The following GALM variants were observed in gnomAD, a reference collection of about 807,000 sequenced individuals.
GALM encodes the protein galactose mutarotase, also known as aldose 1-epimerase.
In GALM, 43 loss-of-function variants were observed where a neutral mutation model predicts 37.4. That is an observed-to-expected ratio of 1.15 (90% CI 0.90 to 1.48). The LOEUF (loss-of-function observed/expected upper bound fraction) is 1.48. Among genes scored for constraint, GALM ranks in the 40% most tolerant of loss-of-function variants. The pLI, the probability that GALM is intolerant of heterozygous loss-of-function variation, is 0.00. For synonymous variants in GALM, 199 were observed against 170.6 expected, an observed-to-expected ratio of 1.17 and a Z score of -1.30; for missense variants, 456 against 419.1, an observed-to-expected ratio of 1.09 and a Z score of -0.77.
At chr2:38,732,560 C>G (rs1230721458) in intron 6 of GALM, among the ~76,000 whole-genome samples, 2 of 152,194 alleles carry the variant, frequency 1.3e-5, no homozygotes, top group African/African-American at 4.8e-5. Flanking sequence ...TATGTGCTCC[C>G]TCATAACTTT....
At chr2:38,672,278 ACAGT>A (rs1215475111) in intron 1 of GALM, among the ~76,000 whole-genome samples, 1 of 152,210 alleles carries the variant, frequency 6.6e-6, no homozygotes, top group Non-Finnish European at 1.5e-5. Flanking sequence ...AAAAATCTCT[ACAGT>A]CAAACATCTT....
chr2:38,729,890 C>T (rs77443996), intron 5 of GALM, among the ~76,000 whole-genome samples, 193 bp downstream of exon 5: 1,598 of 152,236 alleles, frequency 0.01, 34 homozygotes, highest in African/African-American at 0.037. Context: ...CCCCCACCTG[C>T]CATTACCCCT....
In GALM at chr2:38,666,175, C is replaced by T. The variant is rs1371025845; in HGVS notation, c.14C>T (p.Thr5Ile). The change falls in exon 1 of 7, where the codon ACC (threonine) becomes ATC (isoleucine). Residue 5 changes from threonine to isoleucine, a missense_variant. Coordinates refer to ENST00000272252, the MANE Select transcript of GALM (RefSeq NM_138801.3). Reference sequence around the variant, plus strand: ...CAAACTTTCCCTATGGCTTCGGTGACCAGGGCCGTGTTTGGAGAGCTGCCC... The same window carrying T: ...CAAACTTTCCCTATGGCTTCGGTGATCAGGGCCGTGTTTGGAGAGCTGCCC... Reference protein sequence around the residue: MASVTRAVFGELPSG... With the variant: MASVIRAVFGELPSG... The T allele has an allele frequency of 6.2e-7, 1 of 1,612,434 alleles. No individual in the cohort carries two copies. Among genetic ancestry groups the T allele is most frequent in the Admixed American group, 1.7e-5 (1 of 59,776 alleles).
intron 5 of GALM, 31 bp downstream of exon 5, chr2:38,729,728 A>G: frequency 6.3e-7 from 1 of 1,588,068 alleles, no homozygotes; most frequent in Non-Finnish European, 8.6e-7. Flanking sequence ...TGAGTCTGTA[A>G]GGAAGAAATG....
intron 1 of GALM, among the ~76,000 whole-genome samples, chr2:38,675,543 TTGTGTGTGTGTGTGTGTGTGTGTGTGTG>T (rs1160196072): frequency 5.9e-5 from 2 of 33,636 alleles, no homozygotes; most frequent in Non-Finnish European, 1.2e-4. Context: ...TTTTTTTTTT[TTGTGTGTGTGTGTGTGTGTGTGTGTGTG>T]TGTGTGTGTG....
intron 4 of GALM, among the ~76,000 whole-genome samples, chr2:38,720,822 T>C (rs1210595924): frequency 6.6e-6 from 1 of 152,310 alleles, no homozygotes. Context: ...TTGAGCTTCC[T>C]TACAGTATGG....
intron 4 of GALM, among the ~76,000 whole-genome samples, chr2:38,710,874 C>T (rs1221262423): frequency 1.3e-5 from 2 of 151,574 alleles, no homozygotes; most frequent in African/African-American, 2.4e-5. Flanking sequence ...CTGCCTCAGC[C>T]TCCCGAGTAG....
intron 5 of GALM, among the ~76,000 whole-genome samples, chr2:38,731,473 C>A (rs1399424088): frequency 6.6e-6 from 1 of 151,666 alleles, no homozygotes; most frequent in Non-Finnish European, 1.5e-5. Flanking sequence ...CTGCCTTCCT[C>A]CCTACTCCCC....
At position 38,680,162 on chromosome 2, in the gene GALM, G is replaced by C. The variant is rs530989391; in HGVS notation, c.346-1118G>C. The C allele has an allele frequency of 7.5e-6, 3 of 400,626 alleles. No individual in the cohort carries two copies. In the East Asian group the frequency reaches 2.5e-4, roughly 33 times the overall value. The allele number at this position is 400,626 out of a possible 1,614,324, so 24.8% of individuals were successfully genotyped here. On this transcript the variant is annotated intron_variant, in intron 2 of 6. Transcript: ENST00000272252. ...GCCTCCCGAGTAGCTAGGACTACAG[G>C]TATGCACCACCATACCTCGCTAATT...
chr2:38,714,219 G>A (rs997937684), intron 4 of GALM, among the ~76,000 whole-genome samples: 3 of 151,642 alleles, frequency 2.0e-5, no homozygotes, highest in South Asian at 2.1e-4. Context: ...TTTGCGGGGG[G>A]GTTGTTGTTT....
At chr2:38,700,429 A>G (rs1349341088) in intron 4 of GALM, among the ~76,000 whole-genome samples, 1 of 152,130 alleles carries the variant, frequency 6.6e-6, no homozygotes, top group Non-Finnish European at 1.5e-5. Context: ...GGGTGCATAT[A>G]TATTTAGAAT....
chr2:38,677,718 A>T (rs895128840), intron 2 of GALM, among the ~76,000 whole-genome samples: 15 of 152,308 alleles, frequency 9.8e-5, no homozygotes, highest in Admixed American at 2.0e-4. Flanking sequence ...CCTAGCCTTC[A>T]GTGCAGTGTG....
At chr2:38,712,561 C>G (rs191395024) in intron 4 of GALM, among the ~76,000 whole-genome samples, 256 of 152,298 alleles carry the variant, frequency 1.7e-3, no homozygotes, top group African/African-American at 5.9e-3. Context: ...AAAGCAGGGT[C>G]TGCAGAACAC....
chr2:38,685,884 T>C (rs1045564252), intron 3 of GALM, among the ~76,000 whole-genome samples: 6 of 151,868 alleles, frequency 4.0e-5, no homozygotes, highest in African/African-American at 1.5e-4. Flanking sequence ...GCTAATTTTT[T>C]GTATTTTTAG....
intron 4 of GALM, among the ~76,000 whole-genome samples, chr2:38,700,654 G>A (rs1665899327): frequency 6.6e-6 from 1 of 152,012 alleles, no homozygotes; most frequent in South Asian, 2.1e-4. Context: ...AACCGTAGTT[G>A]GGCCATGTTT....
At chr2:38,669,897 T>C (rs1665045368) in intron 1 of GALM, among the ~76,000 whole-genome samples, 2 of 86,394 alleles carry the variant, frequency 2.3e-5, no homozygotes, top group African/African-American at 2.0e-4. Flanking sequence ...AAGTTTTTCT[T>C]TTTTTTTTTT....
rs70954748 is a variant in GALM at position 38,728,686 on chromosome 2, A to AAAAAC, written c.635-845_635-841dup. ...GGTGACAGAGCAAGACTCCATCTCA[A>AAAAAC]AAAACAAAACAAAACAAAACAAAAC... On this transcript the variant is annotated intron_variant, in intron 4 of 6. Transcript: ENST00000272252. Among the ~76,000 whole-genome samples the AAAAAC allele has an allele frequency of 2.1e-3, 320 of 150,722 alleles. 2 individuals are homozygous for AAAAAC. Among genetic ancestry groups the AAAAAC allele is most frequent in the Non-Finnish European group, 3.6e-3 (241 of 67,558 alleles).
chr2:38,721,074 T>C (rs1304690183), intron 4 of GALM, among the ~76,000 whole-genome samples: 2 of 152,208 alleles, frequency 1.3e-5, no homozygotes, highest in Non-Finnish European at 2.9e-5. Context: ...GTGGCCATCT[T>C]TGAAGAATGC....
intron 2 of GALM, among the ~76,000 whole-genome samples, chr2:38,678,294 T>G (rs1182733814): frequency 6.6e-6 from 1 of 152,016 alleles, no homozygotes; most frequent in Non-Finnish European, 1.5e-5. Context: ...ACAGGCATGA[T>G]CCATCGCACC....
Sources: gnomAD v4.1 joint callset for allele counts (sites outside exome capture counted in the v4.1 genomes callset) on GRCh38, gnomAD v4.1.1 for gene constraint, MANE v1.5 for transcripts, NCBI Gene and HGNC (gene_info 2026-07-23, HGNC 2026-07-21) for gene names.